The following PKHD1 variants were observed in gnomAD, a reference collection of about 807,000 sequenced individuals.
The protein encoded by PKHD1 is PKHD1 ciliary IPT domain containing fibrocystin/polyductin, also known as fibrocystin.
In PKHD1, 291 loss-of-function variants were observed where a neutral mutation model predicts 412.0. The ratio of observed to expected loss-of-function variants is 0.71; its 90% CI spans 0.64 to 0.78. The LOEUF (loss-of-function observed/expected upper bound fraction) is 0.78, where lower values mean the gene tolerates loss of function less well. Ranked by LOEUF, PKHD1 falls within the 30% of genes least tolerant of loss-of-function variation. PKHD1 has a pLI of 0.00. For missense variants in PKHD1, 4,825 were observed against 4,950.7 expected (o/e 0.97, Z 0.76); for synonymous variants, 1,777 against 1,821.5 (o/e 0.98, Z 0.62).
chr6:52,069,432 G>A, intron 11 of PKHD1, 25 bp downstream of exon 11: 1 of 1,547,934 alleles, frequency 6.5e-7, no homozygotes, highest in Non-Finnish European at 8.9e-7. Flanking sequence ...CAAGGGAAGG[G>A]GTACTTGGTG....
chr6:51,932,232 G>A (rs564185274), intron 37 of PKHD1, among the ~76,000 whole-genome samples: 49 of 152,266 alleles, frequency 3.2e-4, no homozygotes, highest in Non-Finnish European at 6.0e-4. Flanking sequence ...CATGCACAAC[G>A]TACATTTAAA....
intron 53 of PKHD1, among the ~76,000 whole-genome samples, chr6:51,785,458 C>A (rs1287842460): frequency 6.6e-6 from 1 of 152,098 alleles, no homozygotes; most frequent in Non-Finnish European, 1.5e-5. Flanking sequence ...AGTTATTGCT[C>A]CTGAAGCAGT....
At chr6:52,046,832 T>C (rs1003078326) in intron 23 of PKHD1, among the ~76,000 whole-genome samples, 2 of 152,206 alleles carry the variant, frequency 1.3e-5, no homozygotes, top group African/African-American at 4.8e-5. Flanking sequence ...AGGTGGGTCA[T>C]TGGGTATCCT....
At chr6:51,635,763 G>A (rs1056536709) in intron 64 of PKHD1, among the ~76,000 whole-genome samples, 1 of 151,092 alleles carries the variant, frequency 6.6e-6, no homozygotes, top group African/African-American at 2.4e-5. Flanking sequence ...AATGAGCTGA[G>A]TTAGCCACGT....
chr6:51,981,374 CACGGTCTCCCTCT>C (rs1795221024), intron 35 of PKHD1, among the ~76,000 whole-genome samples: 1 of 52,160 alleles, frequency 1.9e-5, no homozygotes, highest in Non-Finnish European at 3.7e-5. Context: ...CCTCTCCCTC[CACGGTCTCCCTCT>C]GATGCCGAGC....
chr6:51,929,981 T>A (rs1305735534), intron 37 of PKHD1, among the ~76,000 whole-genome samples: 1 of 152,222 alleles, frequency 6.6e-6, no homozygotes, highest in East Asian at 1.9e-4. Flanking sequence ...GAGACATTGA[T>A]AAATTTCCCT....
intron 3 of PKHD1, among the ~76,000 whole-genome samples, chr6:52,082,977 G>A (rs968998815): frequency 1.3e-5 from 2 of 152,174 alleles, no homozygotes; most frequent in Non-Finnish European, 2.9e-5. Flanking sequence ...TGGACACAGA[G>A]TTGTCATGGT....
chr6:51,693,474 G>A (rs1457191605), intron 60 of PKHD1, among the ~76,000 whole-genome samples: 1 of 152,150 alleles, frequency 6.6e-6, no homozygotes, highest in African/African-American at 2.4e-5. Context: ...CTTGTGAAGT[G>A]GTTTACAAAG....
chr6:51,870,095 AG>A (rs926848430), intron 47 of PKHD1, among the ~76,000 whole-genome samples: 6 of 152,170 alleles, frequency 3.9e-5, no homozygotes, highest in African/African-American at 1.2e-4. Context: ...CCTTCAGGAA[AG>A]GCTGTATGCA....
chr6:51,754,746 C>G, intron 56 of PKHD1, 38 bp downstream of exon 56: 1 of 1,591,586 alleles, frequency 6.3e-7, no homozygotes, highest in Non-Finnish European at 8.6e-7. Context: ...GTCTTCCTAG[C>G]TCATTCACTT....
chr6:51,717,955 C>G (rs1781474138), intron 60 of PKHD1, among the ~76,000 whole-genome samples: 1 of 152,204 alleles, frequency 6.6e-6, no homozygotes, highest in South Asian at 2.1e-4. Flanking sequence ...GTATCTTCCA[C>G]TTGAGTCTCA....
intron 60 of PKHD1, among the ~76,000 whole-genome samples, chr6:51,681,269 C>T (rs1238304741): frequency 1.3e-5 from 2 of 152,024 alleles, no homozygotes. Flanking sequence ...TTTCCTAACT[C>T]ACCTTAGGAT....
chr6:51,899,677 CAGG>C (rs1780881150), intron 43 of PKHD1, among the ~76,000 whole-genome samples: 1 of 151,716 alleles, frequency 6.6e-6, no homozygotes, highest in South Asian at 2.1e-4. Flanking sequence ...GGCAATTAGG[CAGG>C]AGAAGGAAAT....
chr6:52,046,170 G>C lies in PKHD1; in HGVS notation c.2426C>G (p.Ser809Cys). ...TVISDVPVQI[S>C]AHHLHQLLQN... ...TAAGAGCTGGTGAAGGTGATGAGCA[G>C]AAATTTGTACAGGGACATCTGTGAG... The change falls in exon 24 of 67, where the codon TCT (serine) becomes TGT (cysteine). Residue 809 changes from serine to cysteine, a missense_variant. Transcript: ENST00000371117. 1.9e-6 allele frequency: 3 copies of C among 1,613,194 alleles called. No individual in the cohort carries two copies. Among genetic ancestry groups the C allele is most frequent in the East Asian group, 4.5e-5 (2 of 44,874 alleles).
rs2128218982 is a variant in PKHD1, at chr6:52,062,572, G to A, written c.1065C>T (p.Val355=). 2 of 1,614,146 alleles carry A rather than the reference G, an allele frequency of 1.2e-6. No individual in the cohort carries two copies. The highest frequency in any genetic ancestry group is 1.7e-6 in the Non-Finnish European group (2 of 1,179,974). Residue 355 remains valine (V), a synonymous_variant, in exon 14 of 67, where the codon GTC becomes GTT. Transcript: ENST00000371117. ...ACCCAAATGGAGAACTGGCATTAGG[G>A]ACAATCTGCCACCTGTACCCTGGGG... ...EATPGYRWQI[V]PNASSPFGFW...
rs1442973352 is a variant in PKHD1, at chr6:51,780,402, AG to A, written c.8441-4482del. Among the ~76,000 whole-genome samples the A allele has an allele frequency of 7.2e-5, 11 of 152,078 alleles. No individual in the cohort carries two copies. In the East Asian group the frequency reaches 1.9e-3, roughly 27 times the overall value. On this transcript the variant is annotated intron_variant, in intron 53 of 66. Coordinates refer to ENST00000371117, the MANE Select transcript of PKHD1 (RefSeq NM_138694.4). ...ACTCCATCTCAAAGAAAAAAAAAAA[AG>A]AAAGTAAAAAAGCAAGCCACAGAGT... is the stretch of plus-strand genomic sequence containing the variant.
At position 51,659,823 on chromosome 6, in the gene PKHD1, T is replaced by C. The variant is rs1402182346; in HGVS notation, c.10303A>G (p.Ser3435Gly). 3 of 1,613,818 alleles carry C rather than the reference T, an allele frequency of 1.9e-6. No individual in the cohort carries two copies. The highest frequency in any genetic ancestry group is 1.1e-5 in the South Asian group (1 of 91,070). The stretch of plus-strand genomic sequence containing the variant: ...CTGCTAAAGACATCAACAAAACCAC[T>C]AGTCACAGATACAACTGGATATAAC... ...QKLYPVVSVT[S>G]GFVDVFSSVN... The change falls in exon 61 of 67, where the codon AGT (serine) becomes GGT (glycine). Residue 3435 changes from serine to glycine, a missense_variant. Coordinates refer to ENST00000371117, the MANE Select transcript of PKHD1 (RefSeq NM_138694.4).
chr6:51,623,751 T>A (rs1170496941), intron 66 of PKHD1, among the ~76,000 whole-genome samples: 1 of 152,090 alleles, frequency 6.6e-6, no homozygotes, highest in African/African-American at 2.4e-5. Context: ...ACCCAGCTAA[T>A]TTTTTCTGTA....
At chr6:51,998,984 C>G (rs1798041920) in intron 35 of PKHD1, among the ~76,000 whole-genome samples, 1 of 152,174 alleles carries the variant, frequency 6.6e-6, no homozygotes. Context: ...AGCCAGGGGA[C>G]TAGAAGAGGT....
Sources: allele counts gnomAD v4.1 joint callset (sites outside exome capture counted in the v4.1 genomes callset), GRCh38; gene constraint gnomAD v4.1.1; transcripts MANE v1.5; gene names NCBI Gene and HGNC (gene_info 2026-07-23, HGNC 2026-07-21).